Variants in PAFAH1B1 observed in about 807,000 individuals in gnomAD.
PAFAH1B1 encodes the protein platelet activating factor acetylhydrolase 1b regulatory subunit 1, also known as platelet-activating factor acetylhydrolase IB subunit beta.
Under a neutral mutation model 57.5 loss-of-function variants are expected in PAFAH1B1, and 2 were observed. The observed-to-expected ratio is 0.03, with a 90% CI of 0.01 to 0.11. PAFAH1B1 has a LOEUF of 0.11. PAFAH1B1 is among the 10% of genes least tolerant of loss of function. The pLI is 1.00. For missense variants in PAFAH1B1, 257 were observed against 512.0 expected, an observed-to-expected ratio of 0.50 and a Z score of 4.81; for synonymous variants, 152 against 169.6, an observed-to-expected ratio of 0.90 and a Z score of 0.81.
chr17:2,669,736 C>A (rs2069155210), intron 5 of PAFAH1B1, among the ~76,000 whole-genome samples: 1 of 152,150 alleles, frequency 6.6e-6, no homozygotes, highest in African/African-American at 2.4e-5. Flanking sequence ...CCTGCTATAG[C>A]CCTCTGAAGC....
At chr17:2,635,918 T>C (rs1042495766) in intron 1 of PAFAH1B1, among the ~76,000 whole-genome samples, 2 of 135,520 alleles carry the variant, frequency 1.5e-5, no homozygotes, top group African/African-American at 2.8e-5. Flanking sequence ...CTGGGCAACG[T>C]GGCAAAACCC....
intron 2 of PAFAH1B1, among the ~76,000 whole-genome samples, chr17:2,645,622 TA>T (rs2068757890): frequency 6.9e-6 from 1 of 145,330 alleles, no homozygotes; most frequent in African/African-American, 2.5e-5. Flanking sequence ...TATATATATA[TA>T]TTTTTTGTTA....
At chr17:2,660,889 T>C (rs1213498090) in intron 2 of PAFAH1B1, among the ~76,000 whole-genome samples, 5 of 152,188 alleles carry the variant, frequency 3.3e-5, no homozygotes, top group Non-Finnish European at 7.3e-5. Flanking sequence ...GCATTCCTAT[T>C]TCTCCACAGC....
At position 2,628,423 on chromosome 17, in the gene PAFAH1B1, A is replaced by G. The variant is rs376981395; in HGVS notation, c.-190-9676A>G. ...TCCCTGCATCCCTAATATGAAACCT[A>G]CTTGATCATGGTGGATCAACACATC... On this transcript the variant is annotated intron_variant, in intron 1 of 10. Transcript: ENST00000397195. Among the ~76,000 whole-genome samples the G allele has an allele frequency of 3.3e-4, 50 of 152,280 alleles. 2 individuals are homozygous for G. Among genetic ancestry groups the G allele is most frequent in the East Asian group, 2.5e-3 (13 of 5,190 alleles).
intron 9 of PAFAH1B1, among the ~76,000 whole-genome samples, chr17:2,677,810 C>T (rs945444536): frequency 1.8e-4 from 28 of 151,898 alleles, no homozygotes; most frequent in African/African-American, 6.3e-4. Flanking sequence ...CCGGAGATGG[C>T]ACCACTGTAC....
intron 1 of PAFAH1B1, among the ~76,000 whole-genome samples, chr17:2,600,665 A>G (rs189009682): frequency 1.3e-5 from 2 of 152,118 alleles, no homozygotes; most frequent in East Asian, 1.9e-4. Flanking sequence ...TATAAAAAAT[A>G]TGCTAACTAC....
At position 2,650,208 on chromosome 17, in the gene PAFAH1B1, T is replaced by A. The variant is rs187075992; in HGVS notation, c.32+11888T>A. Reference sequence around the variant, plus strand: ...TGCAAGATTTTATCTTTACAAAAAATTGATTTAAAAAATAGTCTGGCAGCC... The same window carrying A: ...TGCAAGATTTTATCTTTACAAAAAAATGATTTAAAAAATAGTCTGGCAGCC... On this transcript the variant is annotated intron_variant, in intron 2 of 10. Coordinates refer to ENST00000397195, the MANE Select transcript of PAFAH1B1 (RefSeq NM_000430.4). 9.7e-3 allele frequency among the ~76,000 whole-genome samples: 1,469 copies of A among 152,090 alleles called. 14 individuals carry two copies. The highest frequency in any genetic ancestry group is 0.015 in the Non-Finnish European group (990 of 67,982).
At chr17:2,635,225 C>T (rs1180525606) in intron 1 of PAFAH1B1, among the ~76,000 whole-genome samples, 2 of 151,416 alleles carry the variant, frequency 1.3e-5, no homozygotes, top group Non-Finnish European at 2.9e-5. Flanking sequence ...ATACGTAGCA[C>T]ATAATATAAA....
At chr17:2,667,257 C>A in intron 5 of PAFAH1B1, 59 bp downstream of exon 5, 1 of 1,340,334 alleles carries the variant, frequency 7.5e-7, no homozygotes. Context: ...TGGCATGAAC[C>A]CGGGAGGCGG....
At chr17:2,654,973 GAGAC>G (rs998243183) in intron 2 of PAFAH1B1, among the ~76,000 whole-genome samples, 16 of 140,286 alleles carry the variant, frequency 1.1e-4, no homozygotes, top group East Asian at 4.1e-4. Context: ...TTTTTTAAAA[GAGAC>G]AGGGTTCAGG....
chr17:2,594,138 C>A, intron 1 of PAFAH1B1, 132 bp downstream of exon 1: 1 of 395,460 alleles, frequency 2.5e-6, no homozygotes, highest in South Asian at 1.3e-4. Flanking sequence ...CCCCCTGCCT[C>A]CGCCGCCGCC....
At chr17:2,655,923 G>A (rs139930511) in intron 2 of PAFAH1B1, among the ~76,000 whole-genome samples, 3 of 151,986 alleles carry the variant, frequency 2.0e-5, no homozygotes, top group African/African-American at 7.2e-5. Flanking sequence ...GGTGGTTTTC[G>A]TTTTGTTTTG....
chr17:2,634,393 T>C (rs946343526), intron 1 of PAFAH1B1, among the ~76,000 whole-genome samples: 2 of 152,138 alleles, frequency 1.3e-5, no homozygotes, highest in African/African-American at 4.8e-5. Flanking sequence ...CACCTTGGCC[T>C]CCCAAAGTCC....
At chr17:2,630,682 A>G (rs1399741787) in intron 1 of PAFAH1B1, among the ~76,000 whole-genome samples, 2 of 152,128 alleles carry the variant, frequency 1.3e-5, no homozygotes, top group Non-Finnish European at 2.9e-5. Context: ...GAGTTTCCTC[A>G]GTTATTCTCC....
chr17:2,647,928 C>T (rs780170212), intron 2 of PAFAH1B1, among the ~76,000 whole-genome samples: 7 of 151,722 alleles, frequency 4.6e-5, no homozygotes, highest in Non-Finnish European at 1.0e-4. Context: ...GGGGTGAACC[C>T]GGGAGGCAGA....
intron 1 of PAFAH1B1, among the ~76,000 whole-genome samples, chr17:2,624,440 G>T (rs2068463523): frequency 6.6e-6 from 1 of 152,148 alleles, no homozygotes; most frequent in Non-Finnish European, 1.5e-5. Flanking sequence ...AACAAGAAAA[G>T]GTTTAATTGG....
chr17:2,677,332 C>T (rs1224378929), intron 9 of PAFAH1B1, among the ~76,000 whole-genome samples: 1 of 152,144 alleles, frequency 6.6e-6, no homozygotes, highest in Non-Finnish European at 1.5e-5. Context: ...TTAGGAGCAT[C>T]TGTATTTCCA....
chr17:2,605,841 AG>A (rs1442887041), intron 1 of PAFAH1B1, among the ~76,000 whole-genome samples: 1 of 152,228 alleles, frequency 6.6e-6, no homozygotes, highest in Non-Finnish European at 1.5e-5. Context: ...GAACATAGTA[AG>A]TACTCAATAA....
intron 2 of PAFAH1B1, among the ~76,000 whole-genome samples, chr17:2,650,912 C>T (rs1202666578): frequency 6.6e-6 from 1 of 152,088 alleles, no homozygotes; most frequent in Non-Finnish European, 1.5e-5. Flanking sequence ...CACCCATGGT[C>T]ATGTGTTGCA....
Sources: gnomAD v4.1 joint callset for allele counts (sites outside exome capture counted in the v4.1 genomes callset) on GRCh38, gnomAD v4.1.1 for gene constraint, MANE v1.5 for transcripts, NCBI Gene and HGNC (gene_info 2026-07-23, HGNC 2026-07-21) for gene names.